ZBED6: variants seen among roughly 807,000 people sequenced by gnomAD.
ZBED6 encodes the protein zinc finger BED domain-containing protein 6.
A neutral mutation model predicts 58.4 loss-of-function variants in ZBED6; 40 were observed. That is an observed-to-expected ratio of 0.68 (90% CI 0.53 to 0.89). The LOEUF is 0.89. Among genes scored for constraint, ZBED6 ranks in the 40% least tolerant of loss-of-function variants. The pLI, the probability that ZBED6 is intolerant of heterozygous loss-of-function variation, is 0.00. For missense variants in ZBED6, 1,057 were observed against 1,003.9 expected (o/e 1.05, Z -0.71); for synonymous variants, 439 against 350.6 (o/e 1.25, Z -2.82).
Position 203,848,415 on chromosome 1 carries a change from T to G in ZBED6, c.*4322+8T>G. The G allele has an allele frequency of 6.2e-7, 1 of 1,601,600 alleles. No individual in the cohort carries two copies. The highest frequency in any genetic ancestry group is 1.1e-5 in the South Asian group (1 of 88,436). ...AGAACAGAAGCTAAAGAGGTAAATT[T>G]AAGATTATTGTATGGTTTTGTTCAT... On this transcript the variant is annotated splice_region_variant and intron_variant, in intron 13 of 16. Coordinates refer to ENST00000550078, the Ensembl canonical transcript of ZBED6.
intron 3 of ZBED6, among the ~76,000 whole-genome samples, chr1:203,826,279 T>C (rs1048823168): frequency 6.6e-6 from 1 of 151,970 alleles, no homozygotes; most frequent in African/African-American, 2.4e-5. Flanking sequence ...AGGGCCACTC[T>C]ATAGGTAGTG....
exon 1 of ZBED6, chr1:203,798,978 A>G: frequency 6.5e-7 from 1 of 1,536,154 alleles, no homozygotes; most frequent in Non-Finnish European, 8.7e-7. Context: ...GACTGTTGAC[A>G]TATGGACCCA....
chr1:203,812,578 A>AT (rs386369376), intron 1 of ZBED6, among the ~76,000 whole-genome samples: 2,812 of 109,302 alleles, frequency 0.026, 175 homozygotes, highest in African/African-American at 0.07. Flanking sequence ...GCCATTCTAA[A>AT]TTTTTTTTTT....
At chr1:203,838,313 A>G (rs1685005220) in intron 10 of ZBED6, among the ~76,000 whole-genome samples, 1 of 152,248 alleles carries the variant, frequency 6.6e-6, no homozygotes, top group Non-Finnish European at 1.5e-5. Flanking sequence ...TATAAATGCG[A>G]TAAATTTTGT....
chr1:203,797,661 A>G (rs1433101027), exon 1 of ZBED6: 2 of 1,536,104 alleles, frequency 1.3e-6, no homozygotes, highest in South Asian at 1.2e-5. Flanking sequence ...AGAGGAAAAG[A>G]TGGTAGCAGA....
At chr1:203,809,310 G>A (rs1194125785) in intron 1 of ZBED6, among the ~76,000 whole-genome samples, 1 of 151,308 alleles carries the variant, frequency 6.6e-6, no homozygotes, top group Non-Finnish European at 1.5e-5. Flanking sequence ...CGAGTAACTG[G>A]GACAACAGGC....
chr1:203,845,148 A>G (rs1433810390), intron 11 of ZBED6, among the ~76,000 whole-genome samples: 1 of 152,192 alleles, frequency 6.6e-6, no homozygotes, highest in Admixed American at 6.5e-5. Context: ...TTTTCTGTAA[A>G]TTCAGACATC....
At chr1:203,848,966 C>T (rs907100881) in intron 13 of ZBED6, among the ~76,000 whole-genome samples, 1 of 152,168 alleles carries the variant, frequency 6.6e-6, no homozygotes, top group African/African-American at 2.4e-5. Flanking sequence ...TTCACTGCAA[C>T]CTTTGCCTCC....
chr1:203,839,787 G>T (rs986146984), intron 10 of ZBED6, among the ~76,000 whole-genome samples: 1 of 151,760 alleles, frequency 6.6e-6, no homozygotes, highest in Admixed American at 6.6e-5. Context: ...TATAAAGTAC[G>T]TTTTTCTTTG....
At chr1:203,795,705 C>G (rs952216857), upstream of ZBED6, 3 of 152,344 alleles carry the variant, frequency 2.0e-5, no homozygotes, top group Non-Finnish European at 2.9e-5. Flanking sequence ...GGGAGGACGA[C>G]GGACGGCAGC....
chr1:203,823,710 A>C (rs1361037131), intron 3 of ZBED6, among the ~76,000 whole-genome samples: 1 of 152,194 alleles, frequency 6.6e-6, no homozygotes, highest in Non-Finnish European at 1.5e-5. Flanking sequence ...TGAAAGAACT[A>C]AATACTTATA....
At chr1:203,805,546 T>TA in intron 1 of ZBED6, 2 of 571,140 alleles carry the variant, frequency 3.5e-6, no homozygotes, top group Admixed American at 2.0e-5. Flanking sequence ...ACGTATCTGT[T>TA]ACGGTAAATT....
chr1:203,828,491 T>C, intron 4 of ZBED6, 69 bp downstream of exon 4: 1 of 1,521,322 alleles, frequency 6.6e-7, no homozygotes, highest in Non-Finnish European at 8.9e-7. Flanking sequence ...ACAACAGTAC[T>C]TTTCAGACAT....
rs561671295 is a variant in ZBED6, at chr1:203,807,523, T to G, written c.*2554+4507T>G. Among the ~76,000 whole-genome samples the G allele has an allele frequency of 1.5e-4, 22 of 145,734 alleles. No homozygotes were observed. The East Asian group carries it at 1.8e-3, about 12-fold the overall frequency. ...CACAAAGTTTTGTTTTGTCTTACTG[T>G]TTTTTTTTTGTTGGTTTTTTAGAGA... On this transcript the variant is annotated intron_variant, in intron 1 of 16. Transcript: ENST00000550078.
chr1:203,831,676 T>C lies in ZBED6; in HGVS notation c.*3415T>C. The C allele has an allele frequency of 1.9e-6, 3 of 1,612,328 alleles. No individual in the cohort carries two copies. In the East Asian group the frequency reaches 6.7e-5, roughly 36 times the overall value. Reference sequence around the variant, plus strand: ...CCTTATTCAGAGGGTTCTTCAGGAGTTTCCAGTCTTTTACTCCACCCTGAG... The same window carrying C: ...CCTTATTCAGAGGGTTCTTCAGGAGCTTCCAGTCTTTTACTCCACCCTGAG... On this transcript the variant is annotated 3_prime_UTR_variant, in exon 8 of 17. Coordinates refer to ENST00000550078, the Ensembl canonical transcript of ZBED6.
exon 1 of ZBED6, chr1:203,797,563 C>T (rs1329744802): frequency 1.5e-5 from 23 of 1,530,816 alleles, no homozygotes; most frequent in Non-Finnish European, 2.0e-5. Context: ...TCTTCACTCT[C>T]TCCTGGCAGA....
exon 1 of ZBED6, chr1:203,798,302 T>C: frequency 6.5e-7 from 1 of 1,536,176 alleles, no homozygotes; most frequent in South Asian, 1.2e-5. Flanking sequence ...CTTTAATTCC[T>C]GGAACTAGAG....
At chr1:203,798,391 G>T in exon 1 of ZBED6, 1 of 1,534,698 alleles carries the variant, frequency 6.5e-7, no homozygotes, top group Non-Finnish European at 8.7e-7. Context: ...ATATGTAAAA[G>T]AAGTGTGAGC....
chr1:203,809,739 A>C (rs553156128), intron 1 of ZBED6, among the ~76,000 whole-genome samples: 49 of 152,088 alleles, frequency 3.2e-4, no homozygotes, highest in African/African-American at 1.2e-3. Flanking sequence ...AGATCACTTG[A>C]GGTCAGGAGT....
Sources: allele counts gnomAD v4.1 joint callset (sites outside exome capture counted in the v4.1 genomes callset), GRCh38; gene constraint gnomAD v4.1.1; transcripts MANE v1.5; gene names NCBI Gene and HGNC (gene_info 2026-07-23, HGNC 2026-07-21).